MAP3K15: variants seen among roughly 807,000 people sequenced by gnomAD.
MAP3K15 encodes the protein mitogen-activated protein kinase kinase kinase 15, also known as MAPK/ERK kinase kinase 15.
Under a neutral mutation model 99.5 loss-of-function variants are expected in MAP3K15, and 124 were observed. That is an observed-to-expected ratio of 1.25 (90% CI 1.08 to 1.45). MAP3K15 has a LOEUF of 1.45. Among genes scored for constraint, MAP3K15 ranks in the 40% most tolerant of loss-of-function variants. MAP3K15 has a pLI of 0.00. For missense variants in MAP3K15, 1,242 were observed against 1,079.7 expected (o/e 1.15, Z -2.11); for synonymous variants, 494 against 439.6 (o/e 1.12, Z -1.55).
At chrX:19,457,999 T>C (rs969590859) in intron 5 of MAP3K15, among the ~76,000 whole-genome samples, 1 of 111,971 alleles carries the variant, frequency 8.9e-6, no homozygotes, top group Non-Finnish European at 1.9e-5. Context: ...TGGAGAAAAA[T>C]TGCGACCATG....
intron 13 of MAP3K15, among the ~76,000 whole-genome samples, chrX:19,404,173 T>C (rs767370491): frequency 8.9e-6 from 1 of 111,806 alleles, no homozygotes; most frequent in African/African-American, 3.2e-5. Context: ...AGGTTGTAAG[T>C]TACAAAATCA....
At position 19,460,045 on chromosome X, in the gene MAP3K15, A is replaced by G. The variant is rs1229697961; in HGVS notation, c.828T>C (p.Asn276=). 2.5e-6 allele frequency: 3 copies of G among 1,192,353 alleles called. No homozygotes were observed. In the African/African-American group the frequency reaches 5.3e-5, roughly 21 times the overall value. Residue 276 remains asparagine, a synonymous_variant, in exon 5 of 29, where the codon AAT becomes AAC. Coordinates refer to ENST00000338883, the MANE Select transcript of MAP3K15 (RefSeq NM_001001671.4). ...TGATGTCTGAGGTCAGAACCTCAGT[A>G]TTATCCATGCGGAGCTTGATCCGAG... is the stretch of plus-strand genomic sequence containing the variant. ...ELARIKLRMD[N]TEVLTSDIII...
At chrX:19,368,246 G>A (rs765647981) in intron 25 of MAP3K15, among the ~76,000 whole-genome samples, 165 of 111,418 alleles carry the variant, frequency 1.5e-3, no homozygotes, top group South Asian at 1.9e-3. Flanking sequence ...GGATTCAATC[G>A]ATTCTCCTGC....
intron 25 of MAP3K15, among the ~76,000 whole-genome samples, chrX:19,364,578 C>G (rs942795431): frequency 5.4e-5 from 6 of 111,577 alleles, no homozygotes; most frequent in Non-Finnish European, 1.1e-4. Context: ...CTAACTTTCC[C>G]TCCGCCTTTC....
chrX:19,507,540 T>C (rs2064485874), intron 1 of MAP3K15, among the ~76,000 whole-genome samples: 1 of 77,887 alleles, frequency 1.3e-5, no homozygotes, highest in Non-Finnish European at 2.2e-5. Context: ...ATCGCGCTAC[T>C]GCACTCCAGC....
intron 13 of MAP3K15, among the ~76,000 whole-genome samples, chrX:19,405,580 T>C (rs986452057): frequency 1.8e-5 from 2 of 112,427 alleles, no homozygotes; most frequent in Admixed American, 9.5e-5. Context: ...TGTTTTGCTA[T>C]AAAAGACATC....
chrX:19,485,170 G>A (rs1006212711), intron 3 of MAP3K15, among the ~76,000 whole-genome samples: 7 of 108,813 alleles, frequency 6.4e-5, no homozygotes, highest in Non-Finnish European at 9.5e-5. Context: ...TTAGCCAGGC[G>A]TGGTGGTAGG....
intron 1 of MAP3K15, among the ~76,000 whole-genome samples, chrX:19,499,890 T>C (rs1273123486): frequency 2.7e-5 from 3 of 112,576 alleles, no homozygotes; most frequent in African/African-American, 9.7e-5. Context: ...AGTCATTTTT[T>C]AAAGTTGTAC....
chrX:19,500,638 T>C, intron 1 of MAP3K15, among the ~76,000 whole-genome samples: 1 of 111,958 alleles, frequency 8.9e-6, no homozygotes, highest in Non-Finnish European at 1.9e-5. Flanking sequence ...TCCCATCACA[T>C]GCAATTGCCA....
At chrX:19,426,187 T>G in intron 8 of MAP3K15, 44 bp downstream of exon 8, 2 of 709,820 alleles carry the variant, frequency 2.8e-6, no homozygotes, top group South Asian at 5.7e-5. Context: ...ATGCCAAACT[T>G]GTATAATCAA....
Position 19,391,990 on chromosome X carries a change from T to A in MAP3K15, c.2431+12A>T, listed in dbSNP as rs112632686. 46 of 1,173,022 alleles carry A rather than the reference T, an allele frequency of 3.9e-5. No homozygotes were observed. The highest frequency in any genetic ancestry group is 3.3e-4 in the African/African-American group (19 of 56,721). On this transcript the variant is annotated intron_variant, in intron 18 of 28. Transcript: ENST00000338883. ...GGGATGGGCACCCTGTGCCAAGCTT[T>A]GGTCCACTTACCAGTAAAAGTCTCT...
chrX:19,372,721 T>C lies in MAP3K15; in HGVS notation c.3040A>G (p.Ile1014Val). 3.3e-6 allele frequency: 4 copies of C among 1,211,523 alleles called. No individual in the cohort carries two copies. Among genetic ancestry groups the C allele is most frequent in the Non-Finnish European group, 4.5e-6 (4 of 895,331 alleles). The change falls in exon 22 of 29, where the codon ATC (isoleucine) becomes GTC (valine). Residue 1014 changes from isoleucine (I) to valine (V), a missense_variant. Ile to Val is a conservative substitution (Grantham distance 29, BLOSUM62 3). Coordinates refer to ENST00000338883, the MANE Select transcript of MAP3K15 (RefSeq NM_001001671.4). The stretch of plus-strand genomic sequence containing the variant: ...TCCTCCCAGAGGATTTTGTACAGGA[T>C]GGCACGGCGCTCACTGTCCTTGCGT... ...LLRKDSERRA[I>V]LYKILWEEQN...
chrX:19,505,382 A>G (rs762563215), intron 1 of MAP3K15, among the ~76,000 whole-genome samples: 1 of 112,262 alleles, frequency 8.9e-6, no homozygotes, highest in Admixed American at 9.5e-5. Flanking sequence ...TCTTATTACT[A>G]TAACAAACGA....
In MAP3K15 at chrX:19,488,815, GA is replaced by G. The variant is rs761989048; in HGVS notation, c.501+12del. The G allele has an allele frequency of 8.4e-7, 1 of 1,192,919 alleles. No homozygotes were observed. Among genetic ancestry groups the G allele is most frequent in the Non-Finnish European group, 1.1e-6 (1 of 889,808 alleles). Reference sequence around the variant, plus strand: ...CAAAACAAAGTACTCAGGAGAAGGTGAATACACTGTACCTTCAAAGAGAGAG... The same window carrying G: ...CAAAACAAAGTACTCAGGAGAAGGTGATACACTGTACCTTCAAAGAGAGAG... On this transcript the variant is annotated intron_variant, in intron 2 of 28. Transcript: ENST00000338883.
chrX:19,431,900 T>C (rs1265218971), intron 6 of MAP3K15, among the ~76,000 whole-genome samples: 1 of 108,119 alleles, frequency 9.2e-6, no homozygotes, highest in African/African-American at 3.4e-5. Flanking sequence ...ACCAAGATCA[T>C]GCCACTGTAC....
chrX:19,438,228 G>A (rs1417867807), intron 6 of MAP3K15, among the ~76,000 whole-genome samples: 1 of 111,279 alleles, frequency 9.0e-6, no homozygotes, highest in Non-Finnish European at 1.9e-5. Flanking sequence ...TCCTGCCTCA[G>A]AGTGCTGGGA....
At chrX:19,498,319 G>C (rs1282303314) in intron 1 of MAP3K15, among the ~76,000 whole-genome samples, 1 of 111,021 alleles carries the variant, frequency 9.0e-6, no homozygotes, top group Non-Finnish European at 1.9e-5. Context: ...GTGCAGGTGG[G>C]GGAGGGTGCT....
intron 1 of MAP3K15, among the ~76,000 whole-genome samples, chrX:19,506,951 C>A (rs1465680157): frequency 8.9e-6 from 1 of 112,450 alleles, no homozygotes; most frequent in Non-Finnish European, 1.9e-5. Flanking sequence ...AGAAGCAGGA[C>A]CCCTGGGTCA....
At chrX:19,446,115 C>T (rs946955307) in intron 6 of MAP3K15, among the ~76,000 whole-genome samples, 3 of 111,578 alleles carry the variant, frequency 2.7e-5, no homozygotes, top group East Asian at 5.6e-4. Flanking sequence ...ACTTAACCTG[C>T]GTTCTAACAA....
Sources: gnomAD v4.1 joint callset for allele counts (sites outside exome capture counted in the v4.1 genomes callset) on GRCh38, gnomAD v4.1.1 for gene constraint, MANE v1.5 for transcripts, NCBI Gene and HGNC (gene_info 2026-07-23, HGNC 2026-07-21) for gene names.